Variants in KCNH8 observed in about 807,000 individuals in gnomAD.
KCNH8 encodes voltage-gated delayed rectifier potassium channel KCNH8.
Under a neutral mutation model 103.6 loss-of-function variants are expected in KCNH8, and 70 were observed. The observed-to-expected ratio is 0.68, with a 90% CI of 0.56 to 0.82. KCNH8 has a LOEUF of 0.82. Ranked by LOEUF, KCNH8 falls within the 40% of genes least tolerant of loss-of-function variation. The pLI, the probability that KCNH8 is intolerant of heterozygous loss-of-function variation, is 0.00. For synonymous variants in KCNH8, 498 were observed against 489.4 expected, an observed-to-expected ratio of 1.02 and a Z score of -0.23; for missense variants, 1,217 against 1,329.9, an observed-to-expected ratio of 0.92 and a Z score of 1.32.
At chr3:19,529,498 C>A (rs951678) in intron 15 of KCNH8, among the ~76,000 whole-genome samples, 10,290 of 152,144 alleles carry the variant, frequency 0.068, 767 homozygotes, top group East Asian at 0.26. Context: ...TCTTACCATG[C>A]TATGAAGAAG....
chr3:19,492,551 T>A (rs2068345859), intron 11 of KCNH8, among the ~76,000 whole-genome samples: 1 of 152,200 alleles, frequency 6.6e-6, no homozygotes, highest in South Asian at 2.1e-4. Flanking sequence ...TTTGTAACAG[T>A]ACCATGCTGT....
chr3:19,485,698 G>A (rs1454664742), intron 11 of KCNH8, among the ~76,000 whole-genome samples: 3 of 152,142 alleles, frequency 2.0e-5, no homozygotes, highest in African/African-American at 7.2e-5. Flanking sequence ...GAGTAATGGG[G>A]CTGCTACCGA....
At chr3:19,415,201 AAGC>A (rs1559316850) in intron 7 of KCNH8, among the ~76,000 whole-genome samples, 1 of 151,984 alleles carries the variant, frequency 6.6e-6, no homozygotes, top group Non-Finnish European at 1.5e-5. Flanking sequence ...CCTCAGTGCC[AAGC>A]AGTGTTCTAG....
At chr3:19,509,448 G>C (rs1364585459) in intron 11 of KCNH8, among the ~76,000 whole-genome samples, 3 of 152,006 alleles carry the variant, frequency 2.0e-5, no homozygotes, top group Admixed American at 6.5e-5. Flanking sequence ...AAGTGTATTT[G>C]AGCAAAAAAC....
intron 4 of KCNH8, among the ~76,000 whole-genome samples, chr3:19,345,814 G>A (rs2065721727): frequency 1.3e-5 from 2 of 151,960 alleles, no homozygotes; most frequent in African/African-American, 4.8e-5. Context: ...TGAATTCTCA[G>A]TATCTTTTTA....
chr3:19,236,150 C>T (rs1226958322), intron 1 of KCNH8, among the ~76,000 whole-genome samples: 1 of 152,136 alleles, frequency 6.6e-6, no homozygotes, highest in Admixed American at 6.5e-5. Flanking sequence ...TCCATTGCTC[C>T]ACAGTACCAA....
chr3:19,499,094 A>C (rs555382517), intron 11 of KCNH8, among the ~76,000 whole-genome samples: 151 of 152,318 alleles, frequency 9.9e-4, no homozygotes, highest in African/African-American at 3.5e-3. Flanking sequence ...GAAGTGCTTA[A>C]AGGAGCTGAT....
Position 19,395,094 on chromosome 3 carries a change from CTT to C in KCNH8, c.970-9_970-8del, listed in dbSNP as rs2066495225. ...TGCACCAAGTTGTGCTGCTCTGTCT[CTT>C]ACCACAGGTGTCTCTCGTGCATCTT... On this transcript the variant is annotated splice_region_variant and splice_polypyrimidine_tract_variant and intron_variant, in intron 6 of 15. Coordinates refer to ENST00000328405, the MANE Select transcript of KCNH8 (RefSeq NM_144633.3). 3.1e-6 allele frequency: 5 copies of C among 1,607,224 alleles called. No homozygotes were observed. Among genetic ancestry groups the C allele is most frequent in the Non-Finnish European group, 4.3e-6 (5 of 1,175,490 alleles).
intron 11 of KCNH8, among the ~76,000 whole-genome samples, chr3:19,498,956 G>A (rs556052572): frequency 2.2e-4 from 33 of 152,156 alleles, no homozygotes; most frequent in African/African-American, 3.9e-4. Flanking sequence ...CTCCAGCTGC[G>A]TGCTGGGAGA....
At position 19,534,289 on chromosome 3, in the gene KCNH8, T is replaced by C. The variant is rs763209760; in HGVS notation, c.*190T>C. On this transcript the variant is annotated 3_prime_UTR_variant, in exon 16 of 16. Coordinates refer to ENST00000328405, the MANE Select transcript of KCNH8 (RefSeq NM_144633.3). ...AAACAATTTCTAGATACTAGAAGCATAATAGAAACATTTTTCTGTACAGGT... is the reference window on the plus strand; with the variant it reads ...AAACAATTTCTAGATACTAGAAGCACAATAGAAACATTTTTCTGTACAGGT... 2.2e-5 allele frequency: 13 copies of C among 592,260 alleles called. No homozygotes were observed. Among genetic ancestry groups the C allele is most frequent in the Admixed American group, 9.1e-5 (3 of 33,058 alleles). The allele number at this position is 592,260 out of a possible 1,614,324, so 36.7% of individuals were successfully genotyped here.
chr3:19,433,434 A>G (rs770729755), intron 7 of KCNH8, among the ~76,000 whole-genome samples: 18 of 152,210 alleles, frequency 1.2e-4, no homozygotes, highest in Admixed American at 2.6e-4. Context: ...AAAAATGTCA[A>G]TCATTTGTGA....
At chr3:19,424,402 A>G (rs879870533) in intron 7 of KCNH8, among the ~76,000 whole-genome samples, 7 of 152,174 alleles carry the variant, frequency 4.6e-5, no homozygotes, top group Admixed American at 1.3e-4. Context: ...ATAATTGGCA[A>G]GCCACATGTG....
intron 1 of KCNH8, among the ~76,000 whole-genome samples, chr3:19,211,745 C>T (rs571363135): frequency 9.9e-5 from 15 of 152,090 alleles, no homozygotes; most frequent in Non-Finnish European, 2.1e-4. Flanking sequence ...GATCTCAGAT[C>T]GCATTTATTT....
chr3:19,373,836 T>A (rs1444168300), intron 5 of KCNH8, among the ~76,000 whole-genome samples: 3 of 152,120 alleles, frequency 2.0e-5, no homozygotes, highest in African/African-American at 4.8e-5. Context: ...TTCAAAGAAC[T>A]TCTTTATTTC....
chr3:19,497,234 C>T (rs185849978), intron 11 of KCNH8, among the ~76,000 whole-genome samples: 2 of 152,038 alleles, frequency 1.3e-5, no homozygotes, highest in Admixed American at 6.6e-5. Context: ...TTTTTCATGT[C>T]TTAATATCCT....
intron 1 of KCNH8, among the ~76,000 whole-genome samples, chr3:19,220,024 A>G (rs1343019474): frequency 1.3e-5 from 2 of 152,184 alleles, no homozygotes; most frequent in East Asian, 3.8e-4. Context: ...TAATCACATC[A>G]AGGTCTCCCA....
Position 19,388,568 on chromosome 3 carries a change from C to G in KCNH8, c.812-1913C>G, listed in dbSNP as rs78886935. 2.6e-4 allele frequency among the ~76,000 whole-genome samples: 39 copies of G among 152,082 alleles called. No homozygotes were observed. In the East Asian group the frequency reaches 3.9e-3, roughly 15 times the overall value. ...CCTATGTGAGTGCTTTATTAATTAGCTTCATTCTTTCTCATATTCTCAATA... is the reference window on the plus strand; with the variant it reads ...CCTATGTGAGTGCTTTATTAATTAGGTTCATTCTTTCTCATATTCTCAATA... On this transcript the variant is annotated intron_variant, in intron 5 of 15. Coordinates refer to ENST00000328405, the MANE Select transcript of KCNH8 (RefSeq NM_144633.3).
chr3:19,534,288 A>G lies in KCNH8; in HGVS notation c.*189A>G. ...CAAACAATTTCTAGATACTAGAAGC[A>G]TAATAGAAACATTTTTCTGTACAGG... On this transcript the variant is annotated 3_prime_UTR_variant, in exon 16 of 16. Transcript: ENST00000328405. The G allele has an allele frequency of 1.7e-6, 1 of 593,120 alleles. No homozygotes were observed. The highest frequency in any genetic ancestry group is 2.2e-5 in the South Asian group (1 of 46,182). The allele number at this position is 593,120 out of a possible 1,614,324, so 36.7% of individuals were successfully genotyped here.
At chr3:19,337,999 C>CGGG (rs67419831) in intron 3 of KCNH8, among the ~76,000 whole-genome samples, 1 of 147,106 alleles carries the variant, frequency 6.8e-6, no homozygotes, top group Non-Finnish European at 1.5e-5. Flanking sequence ...GAGAGAGAGG[C>CGGG]GGGGGGGGGA....
Sources: allele counts gnomAD v4.1 joint callset (sites outside exome capture counted in the v4.1 genomes callset), GRCh38; gene constraint gnomAD v4.1.1; transcripts MANE v1.5; gene names NCBI Gene and HGNC (gene_info 2026-07-23, HGNC 2026-07-21).